NIPBL: variants seen among roughly 807,000 people sequenced by gnomAD.
The protein encoded by NIPBL is nipped-B-like protein.
Under a neutral mutation model 321.8 loss-of-function variants are expected in NIPBL, and 19 were observed. That is an observed-to-expected ratio of 0.06 (90% confidence interval 0.04 to 0.09). The LOEUF (loss-of-function observed/expected upper bound fraction) is 0.09, where lower values mean the gene tolerates loss of function less well. Among genes scored for constraint, NIPBL ranks in the 10% least tolerant of loss-of-function variants. The probability of loss-of-function intolerance (pLI) is 1.00; values close to 1 mark genes in which losing one functional copy is unlikely to be tolerated. For missense variants in NIPBL, 2,210 were observed against 3,327.0 expected (o/e 0.66, Z 8.26); for synonymous variants, 1,106 against 1,114.1 (o/e 0.99, Z 0.14).
intron 10 of NIPBL, among the ~76,000 whole-genome samples, chr5:36,991,817 C>T (rs544788788): frequency 1.0e-4 from 15 of 148,094 alleles, no homozygotes; most frequent in African/African-American, 2.7e-4. Flanking sequence ...TGTTTCTGAA[C>T]GTGACTTGTT....
intron 11 of NIPBL, among the ~76,000 whole-genome samples, chr5:37,000,170 A>C (rs914199980): frequency 6.6e-5 from 10 of 152,166 alleles, no homozygotes; most frequent in African/African-American, 2.4e-4. Context: ...TCATGTAAAG[A>C]TCTTTAAATC....
intron 1 of NIPBL, among the ~76,000 whole-genome samples, chr5:36,878,020 G>A (rs1292414955): frequency 1.3e-5 from 2 of 152,186 alleles, no homozygotes; most frequent in African/African-American, 2.4e-5. Context: ...AGTTTTAAGC[G>A]ACTATACGTA....
At chr5:36,881,544 A>G (rs1263620695) in intron 1 of NIPBL, among the ~76,000 whole-genome samples, 1 of 151,988 alleles carries the variant, frequency 6.6e-6, no homozygotes, top group Non-Finnish European at 1.5e-5. Flanking sequence ...TACAATGTAC[A>G]GATGAGGAAC....
intron 21 of NIPBL, among the ~76,000 whole-genome samples, chr5:37,011,274 G>A (rs1057311182): frequency 1.3e-5 from 2 of 152,126 alleles, no homozygotes; most frequent in Non-Finnish European, 2.9e-5. Context: ...ATTAATAACT[G>A]GACAGGCACT....
In NIPBL at chr5:36,998,894, A is replaced by G. The variant is rs186426600; in HGVS notation, c.3305-1479A>G. Among the ~76,000 whole-genome samples, 1,247 of 152,304 alleles carry G rather than the reference A, an allele frequency of 8.2e-3. 12 individuals carry two copies. The highest frequency in any genetic ancestry group is 0.028 in the African/African-American group (1,183 of 41,570). ...AGTCCTATCACTCTTCACATACGTC[A>G]TAACCAAATTCATACCTAATTATGA... On this transcript the variant is annotated intron_variant, in intron 11 of 46. Coordinates refer to ENST00000282516, the MANE Select transcript of NIPBL (RefSeq NM_133433.4).
chr5:37,038,554 A>T, intron 33 of NIPBL, 48 bp from the exon 34 acceptor site: 1 of 1,571,366 alleles, frequency 6.4e-7, no homozygotes, highest in Non-Finnish European at 8.7e-7. Context: ...TATAGTTTCC[A>T]CTACCTTGTC....
chr5:36,919,042 A>G (rs187867612), intron 1 of NIPBL, among the ~76,000 whole-genome samples: 47 of 152,170 alleles, frequency 3.1e-4, no homozygotes, highest in African/African-American at 1.1e-3. Context: ...GGCCTCCTAA[A>G]ATAAATTAGG....
At chr5:36,986,685 C>T (rs1744845391) in intron 10 of NIPBL, among the ~76,000 whole-genome samples, 1 of 152,042 alleles carries the variant, frequency 6.6e-6, no homozygotes, top group African/African-American at 2.4e-5. Flanking sequence ...TCTTACAGAC[C>T]TGTGTCTGAG....
chr5:37,002,541 G>A lies in NIPBL; in HGVS notation c.3665-121G>A. On this transcript the variant is annotated intron_variant, in intron 14 of 46. Coordinates refer to ENST00000282516, the MANE Select transcript of NIPBL (RefSeq NM_133433.4). ...GTTTACTTGAGGTTTATATATAGAG[G>A]CGTCTTAGGTTATTTGTTTAGTTTG... 3 of 703,044 alleles carry A rather than the reference G, an allele frequency of 4.3e-6. No individual in the cohort carries two copies. The South Asian group carries it at 4.6e-5, about 11-fold the overall frequency. 43.6% of individuals were successfully genotyped at this position (703,044 alleles called of 1,614,324 possible). A position where few individuals can be genotyped will look rare whatever the true frequency, so the allele number is the denominator to read the frequency against.
rs146722410 is a variant in NIPBL, at chr5:37,011,118, A to G, written c.4560+893A>G. Among the ~76,000 whole-genome samples the G allele has an allele frequency of 8.2e-3, 1,242 of 152,282 alleles. 12 individuals are homozygous for G. Among genetic ancestry groups the G allele is most frequent in the African/African-American group, 0.028 (1,179 of 41,554 alleles). On this transcript the variant is annotated intron_variant, in intron 21 of 46. Transcript: ENST00000282516. Reference sequence around the variant, plus strand: ...GCCGACGATTTGCGTTTGGTTTTACAGCTTTTGGAGATGTTTAGAATTTTT... The same window carrying G: ...GCCGACGATTTGCGTTTGGTTTTACGGCTTTTGGAGATGTTTAGAATTTTT...
chr5:37,020,936 G>A (rs1749554973), intron 27 of NIPBL, 59 bp downstream of exon 27: 8 of 1,107,898 alleles, frequency 7.2e-6, no homozygotes, highest in Non-Finnish European at 9.7e-6. Flanking sequence ...CTGGATGCTT[G>A]TGAGCAGTAT....
At chr5:37,035,595 A>G (rs182966464) in intron 32 of NIPBL, among the ~76,000 whole-genome samples, 2 of 152,318 alleles carry the variant, frequency 1.3e-5, no homozygotes, top group East Asian at 3.9e-4. Flanking sequence ...CAGTCACAGT[A>G]GGTACATTGC....
chr5:36,929,184 A>G (rs779737698), intron 1 of NIPBL, among the ~76,000 whole-genome samples: 7 of 152,160 alleles, frequency 4.6e-5, no homozygotes, highest in African/African-American at 9.6e-5. Context: ...TTTTTATAAC[A>G]TTATGACAGT....
intron 1 of NIPBL, among the ~76,000 whole-genome samples, chr5:36,945,202 A>G (rs1438082933): frequency 2.0e-5 from 3 of 152,140 alleles, no homozygotes; most frequent in African/African-American, 4.8e-5. Context: ...ATTCCAGGAC[A>G]CAGGACTATT....
At chr5:37,001,123 A>G (rs1305787844) in intron 14 of NIPBL, 45 bp downstream of exon 14, 1 of 1,263,372 alleles carries the variant, frequency 7.9e-7, no homozygotes, top group South Asian at 1.2e-5. Context: ...TAAGTGTCTT[A>G]ACTGTATCCT....
chr5:36,905,601 T>A (rs1747569433), intron 1 of NIPBL, among the ~76,000 whole-genome samples: 1 of 152,222 alleles, frequency 6.6e-6, no homozygotes, highest in African/African-American at 2.4e-5. Context: ...AGAAAATATT[T>A]TGAAGATGCC....
intron 1 of NIPBL, chr5:36,885,438 A>G (rs1745820243): frequency 1.1e-5 from 5 of 462,994 alleles, no homozygotes; most frequent in Non-Finnish European, 2.1e-5. Flanking sequence ...GGAGGCATCC[A>G]GAACAAGGAG....
Position 37,063,770 on chromosome 5 carries a change from A to G in NIPBL, c.7861-20A>G, listed in dbSNP as rs747682240. 3.1e-6 allele frequency: 5 copies of G among 1,600,822 alleles called. No homozygotes were observed. The highest frequency in any genetic ancestry group is 3.4e-6 in the Non-Finnish European group (4 of 1,172,218). On this transcript the variant is annotated intron_variant, in intron 45 of 46. Transcript: ENST00000282516. Reference sequence around the variant, plus strand: ...TGAAATATTTACTTAAAATTCTGAAATAATATCTGTTTTTTGTAGTTCAAA... The same window carrying G: ...TGAAATATTTACTTAAAATTCTGAAGTAATATCTGTTTTTTGTAGTTCAAA...
chr5:36,894,639 G>GT (rs1205668548), intron 1 of NIPBL, among the ~76,000 whole-genome samples: 2 of 151,846 alleles, frequency 1.3e-5, no homozygotes, highest in Non-Finnish European at 1.5e-5. Context: ...ATGATCTTAT[G>GT]TTTTTTTCCC....
Sources: allele counts gnomAD v4.1 joint callset (sites outside exome capture counted in the v4.1 genomes callset), GRCh38; gene constraint gnomAD v4.1.1; transcripts MANE v1.5; gene names NCBI Gene and HGNC (gene_info 2026-07-23, HGNC 2026-07-21).